The following TNFRSF21 variants were observed in gnomAD, a reference collection of about 807,000 sequenced individuals.
TNFRSF21 encodes the protein TNF receptor superfamily member 21.
In TNFRSF21, 19 loss-of-function variants were observed where a neutral mutation model predicts 45.6. The observed-to-expected ratio is 0.42, with a 90% CI of 0.29 to 0.61. The LOEUF is 0.61. Ranked by LOEUF, TNFRSF21 falls within the 20% of genes least tolerant of loss-of-function variation. The pLI, the probability that TNFRSF21 is intolerant of heterozygous loss-of-function variation, is 0.23. For missense variants in TNFRSF21, 737 were observed against 851.5 expected (o/e 0.87, Z 1.67); for synonymous variants, 314 against 335.5 (o/e 0.94, Z 0.70).
In TNFRSF21 at chr6:47,243,274, T is replaced by C. The variant is rs1441956389; in HGVS notation, c.1510-8376A>G. On this transcript the variant is annotated intron_variant, in intron 4 of 5. Coordinates refer to ENST00000296861, the MANE Select transcript of TNFRSF21 (RefSeq NM_014452.5). ...AAGTCACAATATACTCTTCCAGAGA[T>C]AGAGACAGTCTATACTTATACCAAT... is the stretch of plus-strand genomic sequence containing the variant. 2.0e-5 allele frequency among the ~76,000 whole-genome samples: 3 copies of C among 152,170 alleles called. 1 individual carries two copies. The highest frequency in any genetic ancestry group is 4.1e-4 in the South Asian group (2 of 4,830).
chr6:47,270,499 C>T (rs1762399298), intron 3 of TNFRSF21, among the ~76,000 whole-genome samples: 1 of 152,158 alleles, frequency 6.6e-6, no homozygotes, highest in Non-Finnish European at 1.5e-5. Flanking sequence ...CACCAAAACC[C>T]CATCTGTAGG....
In TNFRSF21 at chr6:47,286,223, G is replaced by C. The variant is rs368902133; in HGVS notation, c.469C>G (p.Arg157Gly). 6.2e-7 allele frequency: 1 copy of C among 1,614,118 alleles called. No homozygotes were observed. The highest frequency in any genetic ancestry group is 8.5e-7 in the Non-Finnish European group (1 of 1,180,030). ...HTVCPVGWGV[R>G]KKGTETEDVR... ...TCCTCAGTCTCTGTCCCTTTCTTCCGCACACCCCAACCCACAGGACACACC... is the reference window on the plus strand; with the variant it reads ...TCCTCAGTCTCTGTCCCTTTCTTCCCCACACCCCAACCCACAGGACACACC... The change falls in exon 2 of 6, where the codon CGG becomes GGG. Residue 157 changes from arginine (R) to glycine (G), a missense_variant. Transcript: ENST00000296861.
chr6:47,280,630 C>T (rs1157825441), intron 3 of TNFRSF21, among the ~76,000 whole-genome samples: 1 of 152,156 alleles, frequency 6.6e-6, no homozygotes, highest in Non-Finnish European at 1.5e-5. Flanking sequence ...CGAGTAGGAT[C>T]AGGCTTTGTT....
chr6:47,288,220 G>C (rs182211290), intron 1 of TNFRSF21, among the ~76,000 whole-genome samples: 62 of 151,390 alleles, frequency 4.1e-4, no homozygotes, highest in African/African-American at 1.3e-3. Flanking sequence ...CAATGAAAAT[G>C]AACTAATACA....
chr6:47,281,656 CAGGCATGAG>C (rs1762569441), intron 3 of TNFRSF21, among the ~76,000 whole-genome samples: 1 of 152,166 alleles, frequency 6.6e-6, no homozygotes, highest in African/African-American at 2.4e-5. Context: ...GCTGGGATTA[CAGGCATGAG>C]CCACCACGCC....
rs113496037 is a variant in TNFRSF21, at chr6:47,301,433, T to G, written c.96+7983A>C. On this transcript the variant is annotated intron_variant, in intron 1 of 5. Coordinates refer to ENST00000296861, the MANE Select transcript of TNFRSF21 (RefSeq NM_014452.5). ...GTTTAAACCCAAGAGGAGAGAGGAG[T>G]CATGGACTTCTACACATAAAAGAAT... Among the ~76,000 whole-genome samples the G allele has an allele frequency of 2.2e-3, 337 of 152,068 alleles. 2 individuals are homozygous for G. Among genetic ancestry groups the G allele is most frequent in the African/African-American group, 7.7e-3 (320 of 41,462 alleles).
At chr6:47,245,351 A>G (rs965397357) in intron 4 of TNFRSF21, among the ~76,000 whole-genome samples, 1 of 152,036 alleles carries the variant, frequency 6.6e-6, no homozygotes, top group Non-Finnish European at 1.5e-5. Context: ...CTCAATACAT[A>G]ATGGGTGCTC....
At chr6:47,287,131 AAC>A (rs1762661336) in intron 1 of TNFRSF21, among the ~76,000 whole-genome samples, 1 of 151,862 alleles carries the variant, frequency 6.6e-6, no homozygotes, top group African/African-American at 2.4e-5. Flanking sequence ...GACATGGTAA[AAC>A]CCCATCTCTA....
intron 1 of TNFRSF21, among the ~76,000 whole-genome samples, chr6:47,300,661 A>C (rs1453871800): frequency 2.0e-5 from 3 of 152,048 alleles, no homozygotes; most frequent in African/African-American, 7.2e-5. Context: ...ACTGAGCAGC[A>C]ACCACCGTAA....
chr6:47,253,067 T>C (rs185046535), intron 4 of TNFRSF21, among the ~76,000 whole-genome samples, 189 bp downstream of exon 4: 3 of 152,130 alleles, frequency 2.0e-5, no homozygotes, highest in East Asian at 3.9e-4. Flanking sequence ...ATGATTCTAA[T>C]AGACGGCCAC....
chr6:47,303,929 A>G (rs1762905548), intron 1 of TNFRSF21, among the ~76,000 whole-genome samples: 1 of 152,282 alleles, frequency 6.6e-6, no homozygotes, highest in Non-Finnish European at 1.5e-5. Context: ...ATGCTAAATG[A>G]GGATCCAACT....
chr6:47,288,148 G>A (rs531573259), intron 1 of TNFRSF21, among the ~76,000 whole-genome samples: 1 of 152,368 alleles, frequency 6.6e-6, no homozygotes, highest in East Asian at 1.9e-4. Context: ...GGTGGAAACA[G>A]CACACGTTTG....
At chr6:47,249,431 A>T (rs1341219907) in intron 4 of TNFRSF21, among the ~76,000 whole-genome samples, 1 of 152,222 alleles carries the variant, frequency 6.6e-6, no homozygotes, top group Non-Finnish European at 1.5e-5. Flanking sequence ...ACTAAGGTGA[A>T]ATAATGCAAT....
At chr6:47,234,444 A>G (rs1243789248) in intron 5 of TNFRSF21, among the ~76,000 whole-genome samples, 1 of 152,084 alleles carries the variant, frequency 6.6e-6, no homozygotes, top group Non-Finnish European at 1.5e-5. Context: ...ATAGCTCTCC[A>G]CCGGGCAGTG....
At chr6:47,300,883 C>T (rs1009218085) in intron 1 of TNFRSF21, among the ~76,000 whole-genome samples, 4 of 152,112 alleles carry the variant, frequency 2.6e-5, no homozygotes, top group African/African-American at 7.2e-5. Context: ...TAATAGATGC[C>T]CCATAAATTT....
At chr6:47,274,012 C>T (rs995077484) in intron 3 of TNFRSF21, among the ~76,000 whole-genome samples, 1 of 152,198 alleles carries the variant, frequency 6.6e-6, no homozygotes, top group African/African-American at 2.4e-5. Context: ...AAGAATATTC[C>T]ATGCTCATGG....
At position 47,234,686 on chromosome 6, in the gene TNFRSF21, A is replaced by G. The variant is rs1156668363; in HGVS notation, c.1722T>C (p.Gly574=). The change falls in exon 5 of 6, where the codon GGT becomes GGC. Residue 574 remains glycine (G), a synonymous_variant. Transcript: ENST00000296861. ...TGCCCGTACCTTTGGTAATAAAGGA[A>G]CCGTTCCTGCTCAGCGCGGAGGAGC... ...SSGSSALSRN[G]SFITKEKKDT... The G allele has an allele frequency of 1.9e-6, 3 of 1,609,580 alleles. No individual in the cohort carries two copies. Among genetic ancestry groups the G allele is most frequent in the Non-Finnish European group, 2.5e-6 (3 of 1,178,192 alleles).
chr6:47,292,377 TA>T (rs567647688), intron 1 of TNFRSF21, among the ~76,000 whole-genome samples: 97 of 146,606 alleles, frequency 6.6e-4, no homozygotes, highest in South Asian at 6.5e-4. Context: ...TGGGAAGCTT[TA>T]AAAAAAAAAA....
At chr6:47,289,121 C>T (rs1001585965) in intron 1 of TNFRSF21, among the ~76,000 whole-genome samples, 1 of 152,176 alleles carries the variant, frequency 6.6e-6, no homozygotes, top group Non-Finnish European at 1.5e-5. Flanking sequence ...TTTCACTATC[C>T]TTTATGAAAT....
Sources: gnomAD v4.1 joint callset for allele counts (sites outside exome capture counted in the v4.1 genomes callset) on GRCh38, gnomAD v4.1.1 for gene constraint, MANE v1.5 for transcripts, NCBI Gene and HGNC (gene_info 2026-07-23, HGNC 2026-07-21) for gene names.